Variants in INTS1 observed in about 807,000 individuals in gnomAD.
INTS1 encodes integrator complex subunit 1.
INTS1 carries 137 observed loss-of-function variants against 241.6 expected under a neutral mutation model. The ratio of observed to expected loss-of-function variants is 0.57; its 90% CI spans 0.49 to 0.65. The LOEUF (loss-of-function observed/expected upper bound fraction) is 0.65. Among genes scored for constraint, INTS1 ranks in the 30% least tolerant of loss-of-function variants. The pLI is 0.00. For synonymous variants in INTS1, 1,692 were observed against 1,337.8 expected (o/e 1.26, Z -5.78); for missense variants, 3,073 against 3,032.2 (o/e 1.01, Z -0.32).
chr7:1,484,228 C>T (rs913672507), intron 24 of INTS1, 58 bp from the exon 25 acceptor site: 69 of 1,538,384 alleles, frequency 4.5e-5, no homozygotes, highest in Non-Finnish European at 6.1e-5. Context: ...CTCCGGCCAG[C>T]TGGGGTGACC....
At chr7:1,502,245 G>A (rs1183473669) in intron 3 of INTS1, among the ~76,000 whole-genome samples, 1 of 152,174 alleles carries the variant, frequency 6.6e-6, no homozygotes, top group East Asian at 1.9e-4. Context: ...TGCAGACCAT[G>A]AGGCTTGCTG....
Position 1,480,449 on chromosome 7 carries a change from G to C in INTS1, c.3950-8C>G, listed in dbSNP as rs934968493. 1.2e-6 allele frequency: 2 copies of C among 1,611,654 alleles called. No homozygotes were observed. Among genetic ancestry groups the C allele is most frequent in the Non-Finnish European group, 1.7e-6 (2 of 1,178,612 alleles). ...TGGGTGCCTCTGTGCTGTCTGCAGA[G>C]ACAGGAGAACTGTCAGTGGCTGGAC... On this transcript the variant is annotated splice_polypyrimidine_tract_variant and splice_region_variant and intron_variant, in intron 29 of 47. Coordinates refer to ENST00000404767, the MANE Select transcript of INTS1 (RefSeq NM_001080453.3).
In INTS1 at chr7:1,502,979, G is replaced by A. The variant is rs760284713; in HGVS notation, c.271C>T (p.Arg91Cys). The change falls in exon 3 of 48, where the codon CGC becomes TGC. Residue 91 changes from arginine (R) to cysteine (C), a missense_variant. Physicochemically the swap from Arg to Cys is radical, Grantham distance 180 (BLOSUM62 -3). Coordinates refer to ENST00000404767, the MANE Select transcript of INTS1 (RefSeq NM_001080453.3). ...TCTGCCACTGCAGCCTCAGCCAGGC[G>A]CCCCAGGGCACTCAGAGGGGGTGTG... ...SSTPPLSALG[R>C]LAEAAVAEKR... The A allele has an allele frequency of 9.3e-6, 15 of 1,613,640 alleles. No homozygotes were observed. The highest frequency in any genetic ancestry group is 4.5e-5 in the East Asian group (2 of 44,886).
Position 1,486,924 on chromosome 7 carries a change from G to T in INTS1, c.2824C>A (p.Gln942Lys). Reference sequence around the variant, plus strand: ...GCTGAGGGGTGGGCGGCCCTGACCTGCCGCTTCTTGGCCTTCTGCTCCTTG... The same window carrying T: ...GCTGAGGGGTGGGCGGCCCTGACCTTCCGCTTCTTGGCCTTCTGCTCCTTG... The part of the protein sequence containing the change: ...ESKEQKAKKR[Q>K]RQQKQRQLLG... Residue 942 changes from glutamine (Q) to lysine (K), a missense_variant and splice_region_variant, in exon 21 of 48, where the codon CAG (glutamine) becomes AAG (lysine). By Grantham distance (53) the Gln-to-Lys change is moderately conservative (BLOSUM62 1). Transcript: ENST00000404767. The T allele has an allele frequency of 6.3e-7, 1 of 1,599,886 alleles. No homozygotes were observed. Among genetic ancestry groups the T allele is most frequent in the Non-Finnish European group, 8.5e-7 (1 of 1,176,904 alleles).
intron 41 of INTS1, 54 bp downstream of exon 41, chr7:1,474,114 G>C (rs1209108112): frequency 6.6e-7 from 1 of 1,506,356 alleles, no homozygotes; most frequent in Non-Finnish European, 8.9e-7. Context: ...GCAGGCCTGG[G>C]CCAGAGCAGA....
At position 1,480,898 on chromosome 7, in the gene INTS1, G is replaced by A. The variant is rs375777697; in HGVS notation, c.3886C>T (p.Arg1296Cys). The stretch of plus-strand genomic sequence containing the variant: ...AAAGTCTGGCCTCCGGAGGCGCCGC[G>A]CTCATGCTGGACCTCCACCAGGTGG... ...MAHLVEVQHE[R>C]GASGGQTFHS... Residue 1296 changes from arginine (R) to cysteine (C), a missense_variant, in exon 29 of 48, where the codon CGC (arginine) becomes TGC (cysteine). Coordinates refer to ENST00000404767, the MANE Select transcript of INTS1 (RefSeq NM_001080453.3). 40 of 1,564,726 alleles carry A rather than the reference G, an allele frequency of 2.6e-5. 1 individual carries two copies. In the South Asian group the frequency reaches 2.6e-4, roughly 10 times the overall value.
Position 1,470,384 on chromosome 7 carries a change from G to A in INTS1, c.*193C>T. On this transcript the variant is annotated 3_prime_UTR_variant, in exon 48 of 48. Transcript: ENST00000404767. ...AAGGTGAATGAGGGCTTGCTGGACGGCCCCTGATGCCAGCGGCCGGCCCGG... is the reference window on the plus strand; with the variant it reads ...AAGGTGAATGAGGGCTTGCTGGACGACCCCTGATGCCAGCGGCCGGCCCGG... 7.7e-6 allele frequency: 4 copies of A among 521,690 alleles called. No homozygotes were observed. Among genetic ancestry groups the A allele is most frequent in the South Asian group, 2.7e-5 (1 of 36,438 alleles). 32.3% of individuals were successfully genotyped at this position (521,690 alleles called of 1,614,324 possible).
Position 1,481,922 on chromosome 7 carries a change from G to A in INTS1, c.3704-434C>T, listed in dbSNP as rs1443098392. On this transcript the variant is annotated intron_variant, in intron 27 of 47. Transcript: ENST00000404767. The surrounding 1 kb of genome is among the most constrained non-coding windows in gnomAD (Gnocchi z 6.8). Reference sequence around the variant, plus strand: ...GTGGGCGCTCCAGAGGGCCTATGGTGGCACGGCGCAGTACACTTCCGAAGC... The same window carrying A: ...GTGGGCGCTCCAGAGGGCCTATGGTAGCACGGCGCAGTACACTTCCGAAGC... Among the ~76,000 whole-genome samples, 3 of 152,192 alleles carry A rather than the reference G, an allele frequency of 2.0e-5. No homozygotes were observed. The highest frequency in any genetic ancestry group is 4.4e-5 in the Non-Finnish European group (3 of 68,016).
rs769271108 is a variant in INTS1, at chr7:1,483,987, A to T, written c.3429+16T>A. On this transcript the variant is annotated intron_variant, in intron 25 of 47. Coordinates refer to ENST00000404767, the MANE Select transcript of INTS1 (RefSeq NM_001080453.3). ...CCTCCTCGCCCTCACCCGGCCGTAG[A>T]CCTCCTCGCCCTCACCCAGCTGTAG... 9.4e-6 allele frequency: 15 copies of T among 1,600,140 alleles called. No individual in the cohort carries two copies. In the Admixed American group the frequency reaches 2.5e-4, roughly 27 times the overall value.
intron 13 of INTS1, 122 bp from the exon 14 acceptor site, chr7:1,495,015 C>T: frequency 1.7e-6 from 2 of 1,155,956 alleles, no homozygotes. Context: ...CTGCCTGGTG[C>T]CCAAGCTCAG....
In INTS1 at chr7:1,487,787, A is replaced by T; in HGVS notation, c.2489T>A (p.Leu830Gln). 1 of 1,610,786 alleles carries T rather than the reference A, an allele frequency of 6.2e-7. No homozygotes were observed. Among genetic ancestry groups the T allele is most frequent in the Non-Finnish European group, 8.5e-7 (1 of 1,179,788 alleles). Residue 830 changes from leucine (L) to glutamine (Q), a missense_variant, in exon 19 of 48, where the codon CTG becomes CAG. Transcript: ENST00000404767. ...GGGGTCCAGGCTGGTGAGCTGCGAC[A>T]GGAGGAGGCTGCTGCTCTCAGTGAT... ...QTITESSSLL[L>Q]SQLTSLDPQG...
At position 1,470,323 on chromosome 7, in the gene INTS1, G is replaced by A. The variant is rs755740183; in HGVS notation, c.*254C>T. The A allele has an allele frequency of 6.1e-4, 286 of 471,924 alleles. No individual in the cohort carries two copies. The highest frequency in any genetic ancestry group is 1.1e-3 in the Middle Eastern group (2 of 1,842). 29.2% of individuals were successfully genotyped at this position (471,924 alleles called of 1,614,324 possible). On this transcript the variant is annotated 3_prime_UTR_variant, in exon 48 of 48. Transcript: ENST00000404767. ...CAAAACCAGCCCAGGCCATGCCCGG[G>A]GGGATCCGCCGCTCCGCGGCAGGGC... is the stretch of plus-strand genomic sequence containing the variant.
chr7:1,498,573 A>T lies in INTS1; in HGVS notation c.1284-20T>A. 1 of 1,612,030 alleles carries T rather than the reference A, an allele frequency of 6.2e-7. No individual in the cohort carries two copies. Among genetic ancestry groups the T allele is most frequent in the Non-Finnish European group, 8.5e-7 (1 of 1,179,740 alleles). On this transcript the variant is annotated intron_variant, in intron 9 of 47. Transcript: ENST00000404767. ...AGCTCCCTGGGTGAGGTGAGGGTAC[A>T]GACCCTGTCCCCGCTACGCCTGTGC...
intron 9 of INTS1, 76 bp downstream of exon 9, chr7:1,498,631 A>ACCCCCGCTCCG: frequency 4.0e-6 from 4 of 989,672 alleles, no homozygotes; most frequent in Non-Finnish European, 5.0e-6. Context: ...CTCCGCCCGC[A>ACCCCCGCTCCG]CCCCCGCTCC....
At chr7:1,488,094 C>G (rs1256149509) in intron 18 of INTS1, 137 bp from the exon 19 acceptor site, 2 of 893,194 alleles carry the variant, frequency 2.2e-6, no homozygotes, top group East Asian at 4.8e-5. Context: ...GAGCACAGGG[C>G]GCCCGGTAGC....
In INTS1 at chr7:1,487,990, C is replaced by A. The variant is rs200052811; in HGVS notation, c.2319-33G>T. On this transcript the variant is annotated intron_variant, in intron 18 of 47. Coordinates refer to ENST00000404767, the MANE Select transcript of INTS1 (RefSeq NM_001080453.3). ...CAGACGGGGGAGCGTGTCACCCTGCCCCCCATGAAGGGCTCACTCCCAGTG... is the reference window on the plus strand; with the variant it reads ...CAGACGGGGGAGCGTGTCACCCTGCACCCCATGAAGGGCTCACTCCCAGTG... The A allele has an allele frequency of 8.8e-5, 142 of 1,607,734 alleles. 1 individual carries two copies. In the African/African-American group the frequency reaches 1.5e-3, roughly 17 times the overall value.
intron 29 of INTS1, 65 bp from the exon 30 acceptor site, chr7:1,480,506 G>A (rs1562493937): frequency 6.5e-7 from 1 of 1,544,610 alleles, no homozygotes. Context: ...GGTGGGAACT[G>A]TACAAGCCAT....
chr7:1,472,347 G>A lies in INTS1; in HGVS notation c.6110C>T (p.Ser2037Phe), dbSNP rs1247604788. 1 of 1,573,660 alleles carries A rather than the reference G, an allele frequency of 6.4e-7. No homozygotes were observed. The highest frequency in any genetic ancestry group is 8.6e-7 in the Non-Finnish European group (1 of 1,160,250). The change falls in exon 44 of 48, where the codon TCC becomes TTC. Residue 2037 changes from serine (S) to phenylalanine (F), a missense_variant. Coordinates refer to ENST00000404767, the MANE Select transcript of INTS1 (RefSeq NM_001080453.3). Reference protein sequence around the residue: ...SAGSLPLVSVSLFTPLTAAEM... With the variant: ...SAGSLPLVSVFLFTPLTAAEM... ...GGCCGCGGTCAGAGGGGTGAACAGG[G>A]AGACGCTGACCAGGGGCAAGGAGCC...
chr7:1,471,722 GCAAGGCCC>G (rs1781476139), intron 44 of INTS1, 81 bp from the exon 45 acceptor site: 2 of 1,347,282 alleles, frequency 1.5e-6, no homozygotes, highest in Admixed American at 3.4e-5. Flanking sequence ...CCCAGAGGGG[GCAAGGCCC>G]CGAGCACCAC....
Sources: gnomAD v4.1 joint callset for allele counts (sites outside exome capture counted in the v4.1 genomes callset) on GRCh38, gnomAD v4.1.1 for gene constraint, Gnocchi (gnomAD v3.1) non-coding constraint, MANE v1.5 for transcripts, NCBI Gene and HGNC (gene_info 2026-07-23, HGNC 2026-07-21) for gene names.